The following CAPZB variants were observed in gnomAD, a reference collection of about 807,000 sequenced individuals.
CAPZB encodes the protein F-actin-capping protein subunit beta.
Under a neutral mutation model 38.1 loss-of-function variants are expected in CAPZB, and 2 were observed. The ratio of observed to expected loss-of-function variants is 0.05; its 90% CI spans 0.02 to 0.17. CAPZB has a LOEUF of 0.17. CAPZB is among the 10% of genes least tolerant of loss of function. CAPZB has a pLI of 1.00. For missense variants in CAPZB, 161 were observed against 334.2 expected (o/e 0.48, Z 4.04); for synonymous variants, 107 against 127.4 (o/e 0.84, Z 1.08).
chr1:19,429,531 G>C (rs1271548008), intron 1 of CAPZB, among the ~76,000 whole-genome samples: 1 of 152,054 alleles, frequency 6.6e-6, no homozygotes, highest in Non-Finnish European at 1.5e-5. Context: ...TAAAACCTGG[G>C]TCCGACGGTA....
chr1:19,468,636 C>T (rs2094576361), intron 1 of CAPZB, among the ~76,000 whole-genome samples: 1 of 152,144 alleles, frequency 6.6e-6, no homozygotes, highest in Non-Finnish European at 1.5e-5. Context: ...AAATCAGAGC[C>T]TCCTTCCACC....
At chr1:19,363,741 C>T (rs544135694) in intron 4 of CAPZB, among the ~76,000 whole-genome samples, 68 of 152,238 alleles carry the variant, frequency 4.5e-4, no homozygotes, top group African/African-American at 1.5e-3. Flanking sequence ...CTGGCCAACA[C>T]GGGGCTGCAA....
At chr1:19,478,805 A>G (rs2094616673) in intron 1 of CAPZB, among the ~76,000 whole-genome samples, 1 of 152,272 alleles carries the variant, frequency 6.6e-6, no homozygotes, top group Non-Finnish European at 1.5e-5. Flanking sequence ...AAGGGAGCAT[A>G]GCGCAGTGCC....
intron 2 of CAPZB, among the ~76,000 whole-genome samples, chr1:19,417,394 G>C (rs1278401468): frequency 6.6e-6 from 1 of 152,098 alleles, no homozygotes; most frequent in Non-Finnish European, 1.5e-5. Flanking sequence ...TGAGTTTAGA[G>C]GAAAAACAAG....
chr1:19,379,187 C>T (rs1200145922), intron 3 of CAPZB, among the ~76,000 whole-genome samples: 1 of 151,936 alleles, frequency 6.6e-6, no homozygotes, highest in Non-Finnish European at 1.5e-5. Context: ...CAACCTCCGC[C>T]TCCTGGGTTC....
At chr1:19,475,549 T>G (rs1388563142) in intron 1 of CAPZB, among the ~76,000 whole-genome samples, 1 of 152,200 alleles carries the variant, frequency 6.6e-6, no homozygotes, top group Non-Finnish European at 1.5e-5. Context: ...AAGAGAGCAC[T>G]GCCCCATCTC....
chr1:19,349,753 C>G (rs1400518764), intron 6 of CAPZB, among the ~76,000 whole-genome samples: 2 of 152,056 alleles, frequency 1.3e-5, no homozygotes, highest in Non-Finnish European at 2.9e-5. Context: ...GCTGAGCCCA[C>G]GTAAATGGCC....
intron 1 of CAPZB, among the ~76,000 whole-genome samples, chr1:19,426,409 C>G (rs1163600485): frequency 6.6e-6 from 1 of 150,850 alleles, no homozygotes; most frequent in Non-Finnish European, 1.5e-5. Flanking sequence ...CCTCTTGCAG[C>G]GTGACTGTGA....
At chr1:19,451,614 T>G (rs1026264296) in intron 1 of CAPZB, among the ~76,000 whole-genome samples, 1 of 152,006 alleles carries the variant, frequency 6.6e-6, no homozygotes, top group African/African-American at 2.4e-5. Flanking sequence ...ATCCCCACCC[T>G]GCAGATGGGA....
intron 2 of CAPZB, among the ~76,000 whole-genome samples, chr1:19,415,066 T>C (rs1002160336): frequency 7.9e-5 from 12 of 152,240 alleles, no homozygotes; most frequent in African/African-American, 2.7e-4. Flanking sequence ...CACATTTCTC[T>C]TCAATACCAC....
intron 1 of CAPZB, among the ~76,000 whole-genome samples, chr1:19,436,755 A>AC (rs1326174556): frequency 6.6e-6 from 1 of 152,230 alleles, no homozygotes; most frequent in Non-Finnish European, 1.5e-5. Flanking sequence ...TCTGGCACAT[A>AC]CCTGGGACAT....
chr1:19,441,141 T>C (rs959931664), intron 1 of CAPZB, among the ~76,000 whole-genome samples: 1 of 152,238 alleles, frequency 6.6e-6, no homozygotes, highest in African/African-American at 2.4e-5. Context: ...TTTGAAAATA[T>C]ACATCATATA....
intron 2 of CAPZB, among the ~76,000 whole-genome samples, chr1:19,396,345 C>T (rs967044232): frequency 6.6e-6 from 1 of 152,204 alleles, no homozygotes; most frequent in African/African-American, 2.4e-5. Flanking sequence ...AAGTTCTCAG[C>T]ACTCTTCAGC....
At chr1:19,393,146 A>ACGGC (rs1468334006) in intron 2 of CAPZB, among the ~76,000 whole-genome samples, 1 of 152,250 alleles carries the variant, frequency 6.6e-6, no homozygotes, top group Non-Finnish European at 1.5e-5. Flanking sequence ...GCACAGCTTC[A>ACGGC]TGTAGCCGAG....
chr1:19,469,784 A>G (rs1324190612), intron 1 of CAPZB, among the ~76,000 whole-genome samples: 2 of 149,018 alleles, frequency 1.3e-5, no homozygotes, highest in Non-Finnish European at 3.0e-5. Flanking sequence ...ACACACACAC[A>G]CGCCCGCCCA....
chr1:19,461,189 T>C (rs2100739782), intron 1 of CAPZB, among the ~76,000 whole-genome samples: 1 of 152,164 alleles, frequency 6.6e-6, no homozygotes, highest in East Asian at 1.9e-4. Flanking sequence ...GATCTTCATA[T>C]GGGCTTAGAG....
chr1:19,387,033 T>A (rs953855855), intron 2 of CAPZB, among the ~76,000 whole-genome samples: 10 of 152,190 alleles, frequency 6.6e-5, no homozygotes, highest in Non-Finnish European at 1.2e-4. Context: ...GGTGATAATA[T>A]CATGCACCTT....
At chr1:19,345,450 A>G (rs1481098926) in intron 6 of CAPZB, among the ~76,000 whole-genome samples, 198 bp from the exon 7 acceptor site, 1 of 152,242 alleles carries the variant, frequency 6.6e-6, no homozygotes, top group Admixed American at 6.5e-5. Context: ...AAGAGCCCAG[A>G]GGGCAGAAGC....
chr1:19,399,370 C>A (rs1353133189), intron 2 of CAPZB, among the ~76,000 whole-genome samples: 1 of 152,136 alleles, frequency 6.6e-6, no homozygotes. Flanking sequence ...CGTCATGTGA[C>A]CCAGAGTTAG....
Sources: allele counts gnomAD v4.1 joint callset (sites outside exome capture counted in the v4.1 genomes callset), GRCh38; gene constraint gnomAD v4.1.1; transcripts MANE v1.5; gene names NCBI Gene and HGNC (gene_info 2026-07-23, HGNC 2026-07-21).